The following ZFAND6 variants were observed in gnomAD, a reference collection of about 807,000 sequenced individuals.
ZFAND6 encodes AN1-type zinc finger protein 6.
ZFAND6 carries 12 observed loss-of-function variants against 24.5 expected under a neutral mutation model. That is an observed-to-expected ratio of 0.49 (90% CI 0.31 to 0.79). The LOEUF (loss-of-function observed/expected upper bound fraction) is 0.79. ZFAND6 is among the 30% of genes least tolerant of loss of function. The pLI is 0.04. For synonymous variants in ZFAND6, 92 were observed against 81.5 expected (o/e 1.13, Z -0.69); for missense variants, 207 against 245.9 (o/e 0.84, Z 1.06).
Position 80,085,135 on chromosome 15 carries a change from G to A in ZFAND6, c.-180-13281G>A, listed in dbSNP as rs138530685. 2.5e-3 allele frequency among the ~76,000 whole-genome samples: 385 copies of A among 152,326 alleles called. 1 individual carries two copies. Among genetic ancestry groups the A allele is most frequent in the Non-Finnish European group, 4.4e-3 (296 of 68,034 alleles). ...GTCATACCAGGAGGTTAAAAGGGGA[G>A]TGAGTTCTGTGTTTTCAGACCATTA... On this transcript the variant is annotated intron_variant, in intron 1 of 6. Coordinates refer to ENST00000261749, the MANE Select transcript of ZFAND6 (RefSeq NM_019006.4).
chr15:80,068,336 T>C (rs1248766330), intron 1 of ZFAND6, among the ~76,000 whole-genome samples: 2 of 151,488 alleles, frequency 1.3e-5, no homozygotes, highest in African/African-American at 2.4e-5. Flanking sequence ...TTAAAATTTT[T>C]TGTAGAGATG....
chr15:80,103,358 C>G (rs975887952), intron 2 of ZFAND6, among the ~76,000 whole-genome samples: 4 of 152,074 alleles, frequency 2.6e-5, no homozygotes, highest in African/African-American at 9.7e-5. Context: ...TGTGTAGTTT[C>G]CTTACCTGGT....
chr15:80,061,057 A>C (rs939904766), intron 1 of ZFAND6, among the ~76,000 whole-genome samples: 1 of 152,246 alleles, frequency 6.6e-6, no homozygotes, highest in Non-Finnish European at 1.5e-5. Context: ...TTCGGTAACC[A>C]TGTCACCAAT....
chr15:80,061,133 T>A (rs2036310725), intron 1 of ZFAND6, among the ~76,000 whole-genome samples: 1 of 152,244 alleles, frequency 6.6e-6, no homozygotes, highest in African/African-American at 2.4e-5. Flanking sequence ...TTGCAAAATA[T>A]GCACGTTTAG....
chr15:80,067,679 C>T (rs1356257666), intron 1 of ZFAND6, among the ~76,000 whole-genome samples: 3 of 151,920 alleles, frequency 2.0e-5, no homozygotes, highest in Non-Finnish European at 2.9e-5. Flanking sequence ...TGGCTAGTGG[C>T]GATTGTGTTG....
intron 1 of ZFAND6, among the ~76,000 whole-genome samples, chr15:80,073,715 T>G (rs1368548547): frequency 6.6e-6 from 1 of 151,964 alleles, no homozygotes; most frequent in Non-Finnish European, 1.5e-5. Context: ...CTTCTCTGTC[T>G]TATATTCTTG....
Position 80,137,675 on chromosome 15 carries a change from T to C in ZFAND6, c.*47T>C. ...TCTTGAGCATCTGCAAACTAAAAAT[T>C]GACTTGAGGTTTTTTTTTTCCTAGT... On this transcript the variant is annotated 3_prime_UTR_variant, in exon 7 of 7. Coordinates refer to ENST00000261749, the MANE Select transcript of ZFAND6 (RefSeq NM_019006.4). 6.6e-7 allele frequency: 1 copy of C among 1,519,432 alleles called. No individual in the cohort carries two copies. Among genetic ancestry groups the C allele is most frequent in the Middle Eastern group, 2.3e-4 (1 of 4,256 alleles). 94.1% of individuals were successfully genotyped at this position (1,519,432 alleles called of 1,614,324 possible). A position where few individuals can be genotyped will look rare whatever the true frequency, so the allele number is the denominator to read the frequency against.
intron 1 of ZFAND6, among the ~76,000 whole-genome samples, chr15:80,068,548 T>C (rs2036792419): frequency 6.6e-6 from 1 of 152,204 alleles, no homozygotes; most frequent in African/African-American, 2.4e-5. Flanking sequence ...ATTTTTGTAT[T>C]TTAAGTAGAG....
intron 2 of ZFAND6, among the ~76,000 whole-genome samples, chr15:80,105,618 C>T (rs1402734237): frequency 1.3e-5 from 2 of 152,198 alleles, no homozygotes; most frequent in Non-Finnish European, 2.9e-5. Context: ...GGACAGGCAT[C>T]ATAACTATCT....
chr15:80,068,702 T>C (rs1044066705), intron 1 of ZFAND6, among the ~76,000 whole-genome samples: 1 of 152,276 alleles, frequency 6.6e-6, no homozygotes, highest in Non-Finnish European at 1.5e-5. Context: ...AAGTAATCTG[T>C]CTGCCTTGGC....
intron 1 of ZFAND6, among the ~76,000 whole-genome samples, chr15:80,068,662 G>A (rs923381806): frequency 3.9e-5 from 6 of 152,184 alleles, no homozygotes; most frequent in Admixed American, 3.9e-4. Flanking sequence ...GTGAGCTACC[G>A]CGCTCAGCCG....
intron 1 of ZFAND6, among the ~76,000 whole-genome samples, chr15:80,095,670 G>A (rs1037401996): frequency 2.0e-5 from 3 of 152,162 alleles, no homozygotes; most frequent in African/African-American, 7.2e-5. Context: ...TGAGCTGTTG[G>A]ATTCTTTAGC....
chr15:80,067,874 A>G (rs1812980374), intron 1 of ZFAND6, among the ~76,000 whole-genome samples: 1 of 152,218 alleles, frequency 6.6e-6, no homozygotes, highest in South Asian at 2.1e-4. Flanking sequence ...AAATATCTCA[A>G]TTTTTAAAAT....
chr15:80,111,613 T>C (rs1225228944), intron 2 of ZFAND6: 5 of 399,332 alleles, frequency 1.3e-5, no homozygotes, highest in African/African-American at 8.4e-5. Flanking sequence ...AAGTATATAG[T>C]GATATATTGC....
At chr15:80,069,040 T>G (rs548694886) in intron 1 of ZFAND6, among the ~76,000 whole-genome samples, 22 of 152,248 alleles carry the variant, frequency 1.4e-4, no homozygotes, top group Admixed American at 1.1e-3. Context: ...TGTGACTGAT[T>G]AAAATGGTTG....
chr15:80,118,246 C>T (rs2039983038), intron 2 of ZFAND6, among the ~76,000 whole-genome samples: 1 of 152,116 alleles, frequency 6.6e-6, no homozygotes, highest in African/African-American at 2.4e-5. Context: ...CCTCAGCCTC[C>T]CAAGTAGCTG....
At chr15:80,101,951 C>G (rs904146523) in intron 2 of ZFAND6, among the ~76,000 whole-genome samples, 3 of 151,656 alleles carry the variant, frequency 2.0e-5, no homozygotes, top group Non-Finnish European at 4.4e-5. Flanking sequence ...TGCCACCACG[C>G]CTGGCTAATT....
At chr15:80,078,057 T>G (rs1405596150) in intron 1 of ZFAND6, among the ~76,000 whole-genome samples, 2 of 152,232 alleles carry the variant, frequency 1.3e-5, no homozygotes, top group Admixed American at 6.5e-5. Flanking sequence ...CTATATTTTA[T>G]TTTTTCAACT....
intron 1 of ZFAND6, among the ~76,000 whole-genome samples, chr15:80,064,674 T>C (rs2036518892): frequency 1.3e-5 from 2 of 152,134 alleles, no homozygotes; most frequent in South Asian, 2.1e-4. Flanking sequence ...ACGGTCTTGC[T>C]CTATCACCCA....
Sources: gnomAD v4.1 joint callset for allele counts (sites outside exome capture counted in the v4.1 genomes callset) on GRCh38, gnomAD v4.1.1 for gene constraint, MANE v1.5 for transcripts, NCBI Gene and HGNC (gene_info 2026-07-23, HGNC 2026-07-21) for gene names.